The following HAT1 variants were observed in gnomAD, a reference collection of about 807,000 sequenced individuals.
HAT1 encodes histone acetyltransferase type B catalytic subunit.
Under a neutral mutation model 56.6 loss-of-function variants are expected in HAT1, and 20 were observed. The observed-to-expected ratio is 0.35, with a 90% CI of 0.25 to 0.51. The LOEUF (loss-of-function observed/expected upper bound fraction) is 0.51. Among genes scored for constraint, HAT1 ranks in the 20% least tolerant of loss-of-function variants. The probability of loss-of-function intolerance (pLI) is 0.95; values close to 1 mark genes in which losing one functional copy is unlikely to be tolerated. For missense variants in HAT1, 408 were observed against 504.3 expected, an observed-to-expected ratio of 0.81 and a Z score of 1.83; for synonymous variants, 146 against 165.5, an observed-to-expected ratio of 0.88 and a Z score of 0.91.
chr2:171,928,415 A>G (rs934319496), intron 2 of HAT1, among the ~76,000 whole-genome samples: 4 of 152,346 alleles, frequency 2.6e-5, no homozygotes, highest in Middle Eastern at 3.4e-3. Context: ...GAATTATACC[A>G]TATATACTGG....
chr2:171,957,452 G>A (rs1687474865), intron 4 of HAT1, among the ~76,000 whole-genome samples: 1 of 152,166 alleles, frequency 6.6e-6, no homozygotes, highest in African/African-American at 2.4e-5. Flanking sequence ...AAGTGATACT[G>A]TGTTTTCTAA....
intron 8 of HAT1, among the ~76,000 whole-genome samples, chr2:171,971,118 T>C (rs956552207): frequency 3.9e-5 from 6 of 152,062 alleles, no homozygotes; most frequent in Non-Finnish European, 8.8e-5. Flanking sequence ...GAGAATGGCG[T>C]AAACCCAGAG....
chr2:171,979,230 CT>C lies in HAT1; in HGVS notation c.976-13del. The C allele has an allele frequency of 8.3e-7, 1 of 1,203,540 alleles. No individual in the cohort carries two copies. Among genetic ancestry groups the C allele is most frequent in the Non-Finnish European group, 1.2e-6 (1 of 836,494 alleles). The allele number at this position is 1,203,540 out of a possible 1,614,324, so 74.6% of individuals were successfully genotyped here. A position where few individuals can be genotyped will look rare whatever the true frequency, so the allele number is the denominator to read the frequency against. ...TTTACTTTGAAAATGTTCGCATTTT[CT>C]TTTGTTTCATTCTAGCAACACGCTA... On this transcript the variant is annotated splice_polypyrimidine_tract_variant and intron_variant, in intron 9 of 10. Coordinates refer to ENST00000264108, the MANE Select transcript of HAT1 (RefSeq NM_003642.4).
rs1688069773 is a variant in HAT1, at chr2:171,979,264, T to C, written c.993T>C (p.Val331=). ...CATTCTAGCAACACGCTAGAAGGGTTTATGAAATTCTTCGACTACTGGTAA... is the reference window on the plus strand; with the variant it reads ...CATTCTAGCAACACGCTAGAAGGGTCTATGAAATTCTTCGACTACTGGTAA... ...FKINKQHARR[V]YEILRLLVTD... The change falls in exon 10 of 11, where the codon GTT becomes GTC. Residue 331 remains valine (V), a synonymous_variant. Coordinates refer to ENST00000264108, the MANE Select transcript of HAT1 (RefSeq NM_003642.4). 1 of 1,564,888 alleles carries C rather than the reference T, an allele frequency of 6.4e-7. No homozygotes were observed. The highest frequency in any genetic ancestry group is 8.7e-7 in the Non-Finnish European group (1 of 1,147,334).
At chr2:171,952,850 C>G in intron 3 of HAT1, 31 bp from the exon 4 acceptor site, 2 of 1,510,910 alleles carry the variant, frequency 1.3e-6, no homozygotes, top group East Asian at 2.3e-5. Flanking sequence ...TGCAAAAATT[C>G]ATTCCATTAT....
intron 4 of HAT1, among the ~76,000 whole-genome samples, chr2:171,961,555 C>A (rs1242702325): frequency 6.8e-6 from 1 of 148,128 alleles, no homozygotes; most frequent in Non-Finnish European, 1.5e-5. Flanking sequence ...AGTGTTTAGC[C>A]TCTTTCTAGG....
chr2:171,925,948 TA>T (rs1390684475), intron 2 of HAT1, among the ~76,000 whole-genome samples: 1 of 152,156 alleles, frequency 6.6e-6, no homozygotes, highest in Admixed American at 6.5e-5. Context: ...TAATAAACAA[TA>T]GCAAATATTG....
At chr2:171,970,048 T>C (rs1687775956) in intron 8 of HAT1, among the ~76,000 whole-genome samples, 1 of 152,056 alleles carries the variant, frequency 6.6e-6, no homozygotes, top group Non-Finnish European at 1.5e-5. Flanking sequence ...CCCAGCCAGC[T>C]ACTTGGGGGA....
chr2:171,960,309 A>G (rs1687542616), intron 4 of HAT1, among the ~76,000 whole-genome samples: 1 of 152,192 alleles, frequency 6.6e-6, no homozygotes. Context: ...ATGAAGAAAA[A>G]AAACGAGAAC....
At chr2:171,933,667 T>C (rs1322249633) in intron 2 of HAT1, among the ~76,000 whole-genome samples, 1 of 152,256 alleles carries the variant, frequency 6.6e-6, no homozygotes, top group Non-Finnish European at 1.5e-5. Context: ...CCATGAGTTA[T>C]ATAGAAGAGG....
chr2:171,943,410 CAAAAAAAAAAAAAA>C (rs377749207), intron 2 of HAT1, among the ~76,000 whole-genome samples: 7 of 58,678 alleles, frequency 1.2e-4, no homozygotes, highest in East Asian at 7.3e-4. Context: ...GACTCTGTCT[CAAAAAAAAAAAAAA>C]AAAAAAAAAA....
intron 2 of HAT1, among the ~76,000 whole-genome samples, chr2:171,933,757 G>C (rs1686800559): frequency 6.6e-6 from 1 of 152,138 alleles, no homozygotes; most frequent in African/African-American, 2.4e-5. Flanking sequence ...GTCAAGGTCA[G>C]ACAATATAGT....
At chr2:171,979,402 A>T (rs201446897) in intron 10 of HAT1, 39 bp downstream of exon 10, 1 of 943,094 alleles carries the variant, frequency 1.1e-6, no homozygotes, top group Non-Finnish European at 1.7e-6. Context: ...TATTCTTTTC[A>T]CTGTTTAAAA....
chr2:171,947,372 A>C lies in HAT1; in HGVS notation c.188+589A>C, dbSNP rs989117901. On this transcript the variant is annotated intron_variant, in intron 3 of 10. Coordinates refer to ENST00000264108, the MANE Select transcript of HAT1 (RefSeq NM_003642.4). ...TGGGCATAAGCAGTCCTCCCACCTG[A>C]GCCTCCGAGTAGCTGGGACTACAGG... Among the ~76,000 whole-genome samples, 5 of 151,566 alleles carry C rather than the reference A, an allele frequency of 3.3e-5. No individual in the cohort carries two copies. In the East Asian group the frequency reaches 9.7e-4, roughly 29 times the overall value.
At chr2:171,936,377 A>G (rs1686873760) in intron 2 of HAT1, among the ~76,000 whole-genome samples, 1 of 152,168 alleles carries the variant, frequency 6.6e-6, no homozygotes, top group African/African-American at 2.4e-5. Context: ...CTTAGGGGAG[A>G]GCCATGTGTG....
chr2:171,941,676 A>G (rs552747658), intron 2 of HAT1, among the ~76,000 whole-genome samples: 3 of 152,312 alleles, frequency 2.0e-5, no homozygotes, highest in East Asian at 1.9e-4. Context: ...CTGATCTGAC[A>G]GAAGGCGGCG....
At chr2:171,968,916 C>T (rs1687748556) in intron 8 of HAT1, among the ~76,000 whole-genome samples, 1 of 152,150 alleles carries the variant, frequency 6.6e-6, no homozygotes, top group Admixed American at 6.5e-5. Context: ...CTTTTGCTTA[C>T]TTGACAGATA....
intron 2 of HAT1, among the ~76,000 whole-genome samples, chr2:171,934,928 G>A (rs986385855): frequency 5.3e-5 from 8 of 151,574 alleles, no homozygotes; most frequent in African/African-American, 1.9e-4. Context: ...GTTAATTTTT[G>A]TATTTTTAGT....
At chr2:171,950,350 T>G (rs1158011158) in intron 3 of HAT1, among the ~76,000 whole-genome samples, 1 of 151,798 alleles carries the variant, frequency 6.6e-6, no homozygotes, top group African/African-American at 2.4e-5. Flanking sequence ...ATTTTTTTTT[T>G]TTGTAATTTT....
Sources: gnomAD v4.1 joint callset for allele counts (sites outside exome capture counted in the v4.1 genomes callset) on GRCh38, gnomAD v4.1.1 for gene constraint, MANE v1.5 for transcripts, NCBI Gene and HGNC (gene_info 2026-07-23, HGNC 2026-07-21) for gene names.